SPIDR: variants seen among roughly 807,000 people sequenced by gnomAD.
The protein encoded by SPIDR is DNA repair-scaffolding protein.
A neutral mutation model predicts 104.6 loss-of-function variants in SPIDR; 93 were observed. The observed-to-expected ratio is 0.89, with a 90% CI of 0.75 to 1.06. SPIDR has a LOEUF of 1.06. SPIDR is among the 50% of genes least tolerant of loss of function. The pLI is 0.00. For missense variants in SPIDR, 1,154 were observed against 1,111.2 expected (o/e 1.04, Z -0.55); for synonymous variants, 431 against 416.9 (o/e 1.03, Z -0.41).
rs1026614264 is a variant in SPIDR, at chr8:47,615,995, A to T, written c.1544+16799A>T. 7.2e-5 allele frequency among the ~76,000 whole-genome samples: 11 copies of T among 151,880 alleles called. No homozygotes were observed. In the South Asian group the frequency reaches 8.3e-4, roughly 11 times the overall value. On this transcript the variant is annotated intron_variant, in intron 10 of 19. Coordinates refer to ENST00000297423, the MANE Select transcript of SPIDR (RefSeq NM_001080394.4). ...TTCAGATTGTTCATTGCTAGTGTAT[A>T]AAAAAAACAACTTATTTTTGTTTGT...
chr8:47,602,483 A>C (rs1039284500), intron 10 of SPIDR, among the ~76,000 whole-genome samples: 2 of 152,352 alleles, frequency 1.3e-5, no homozygotes. Flanking sequence ...TTACCATGTC[A>C]GAAGAAATTA....
chr8:47,305,521 C>T (rs1254557652), intron 5 of SPIDR, among the ~76,000 whole-genome samples: 20 of 151,962 alleles, frequency 1.3e-4, no homozygotes, highest in African/African-American at 3.6e-4. Context: ...GATGGAATTA[C>T]GGAAAAGTTT....
intron 8 of SPIDR, among the ~76,000 whole-genome samples, chr8:47,521,081 G>A (rs910300884): frequency 1.3e-5 from 2 of 152,170 alleles, no homozygotes; most frequent in African/African-American, 2.4e-5. Context: ...GATCCAAGAC[G>A]TCTGTCAATA....
At chr8:47,373,589 T>C (rs2058313584) in intron 5 of SPIDR, among the ~76,000 whole-genome samples, 1 of 152,138 alleles carries the variant, frequency 6.6e-6, no homozygotes, top group Non-Finnish European at 1.5e-5. Flanking sequence ...AAGTCAGTGC[T>C]TTTCATTATG....
rs188857673 is a variant in SPIDR, at chr8:47,464,400, C to T, written c.1097+23858C>T. On this transcript the variant is annotated intron_variant, in intron 8 of 19. Coordinates refer to ENST00000297423, the MANE Select transcript of SPIDR (RefSeq NM_001080394.4). ...GCAGTTAAGGTGGAACAGCTGTCAC[C>T]AAGGAACCGGGAAGACCTGGTGCAT... 2.3e-3 allele frequency among the ~76,000 whole-genome samples: 355 copies of T among 152,252 alleles called. 2 individuals are homozygous for T. The highest frequency in any genetic ancestry group is 5.0e-3 in the East Asian group (26 of 5,186).
At chr8:47,526,598 A>G (rs1409077970) in intron 8 of SPIDR, among the ~76,000 whole-genome samples, 1 of 152,226 alleles carries the variant, frequency 6.6e-6, no homozygotes, top group African/African-American at 2.4e-5. Flanking sequence ...CCAAATGTAC[A>G]GAAATGAAAC....
At chr8:47,397,027 T>C (rs10441557) in intron 6 of SPIDR, among the ~76,000 whole-genome samples, 111,816 of 151,830 alleles carry the variant, frequency 0.74, 41,307 homozygotes, top group East Asian at 0.81. Context: ...AACCCACAGA[T>C]GAGACGTATC....
chr8:47,454,640 T>G (rs2154350328), intron 8 of SPIDR, among the ~76,000 whole-genome samples: 1 of 151,930 alleles, frequency 6.6e-6, no homozygotes, highest in South Asian at 2.1e-4. Context: ...ATAATAAAAA[T>G]AAAAATAAAA....
chr8:47,471,697 A>T (rs551985793), intron 8 of SPIDR, among the ~76,000 whole-genome samples: 38 of 152,222 alleles, frequency 2.5e-4, no homozygotes, highest in Non-Finnish European at 5.1e-4. Flanking sequence ...AATGGTCAAA[A>T]TGATAATATG....
intron 6 of SPIDR, among the ~76,000 whole-genome samples, chr8:47,401,288 AT>A (rs1234046420): frequency 6.6e-6 from 1 of 152,194 alleles, no homozygotes; most frequent in African/African-American, 2.4e-5. Flanking sequence ...ATGCTGAGAG[AT>A]TTTGTCACCA....
intron 10 of SPIDR, among the ~76,000 whole-genome samples, chr8:47,611,431 T>G (rs1285052104): frequency 6.6e-6 from 1 of 152,048 alleles, no homozygotes; most frequent in Non-Finnish European, 1.5e-5. Flanking sequence ...GGGCCCGGTG[T>G]CTCACGCCTG....
chr8:47,393,205 T>C (rs2060814371), intron 5 of SPIDR, among the ~76,000 whole-genome samples: 1 of 152,222 alleles, frequency 6.6e-6, no homozygotes, highest in Non-Finnish European at 1.5e-5. Flanking sequence ...CTAGCTTGAA[T>C]ATTAGCAACT....
chr8:47,702,167 CT>C (rs2080377709), intron 14 of SPIDR, 152 bp downstream of exon 14: 1 of 977,360 alleles, frequency 1.0e-6, no homozygotes, highest in Non-Finnish European at 1.5e-6. Flanking sequence ...GGGTAATCTC[CT>C]TTGGAAATTA....
intron 8 of SPIDR, among the ~76,000 whole-genome samples, chr8:47,451,239 A>T (rs573812756): frequency 6.6e-6 from 1 of 152,282 alleles, no homozygotes; most frequent in Non-Finnish European, 1.5e-5. Context: ...ATTATTTAAA[A>T]ACCAAAGAGA....
At chr8:47,353,998 A>G (rs1554624097) in intron 5 of SPIDR, among the ~76,000 whole-genome samples, 1 of 152,136 alleles carries the variant, frequency 6.6e-6, no homozygotes, top group African/African-American at 2.4e-5. Context: ...TATACAGACA[A>G]CGCTTTGATA....
chr8:47,399,913 C>T (rs1007630681), intron 6 of SPIDR, among the ~76,000 whole-genome samples: 4 of 152,204 alleles, frequency 2.6e-5, no homozygotes, highest in South Asian at 2.1e-4. Flanking sequence ...CGATGACGGG[C>T]GCCCAGAGTT....
At chr8:47,594,778 G>C (rs2061463518) in intron 8 of SPIDR, among the ~76,000 whole-genome samples, 1 of 152,064 alleles carries the variant, frequency 6.6e-6, no homozygotes, top group Admixed American at 6.5e-5. Context: ...TGGATCACTT[G>C]AAGTCAGGAG....
At position 47,688,005 on chromosome 8, in the gene SPIDR, CAA is replaced by C. The variant is rs1283941527; in HGVS notation, c.1686-12388_1686-12387del. On this transcript the variant is annotated intron_variant, in intron 11 of 19. Coordinates refer to ENST00000297423, the MANE Select transcript of SPIDR (RefSeq NM_001080394.4). ...GGGTGACAGATTGAGACCTGGCTGT[CAA>C]AAAAAAAAAGTGTGTGTGTGTGTGT... Among the ~76,000 whole-genome samples, 5 of 90,476 alleles carry C rather than the reference CAA, an allele frequency of 5.5e-5. No individual in the cohort carries two copies. The South Asian group carries it at 1.3e-3, about 24-fold the overall frequency. 59.4% of individuals were successfully genotyped at this position (90,476 alleles called of 152,430 possible). A position where few individuals can be genotyped will look rare whatever the true frequency, so the allele number is the denominator to read the frequency against.
chr8:47,423,687 G>A (rs529798218), intron 7 of SPIDR, among the ~76,000 whole-genome samples: 1 of 152,330 alleles, frequency 6.6e-6, no homozygotes, highest in South Asian at 2.1e-4. Flanking sequence ...GCAGTTTGAT[G>A]AAATGGCATG....
Sources: gnomAD v4.1 joint callset for allele counts (sites outside exome capture counted in the v4.1 genomes callset) on GRCh38, gnomAD v4.1.1 for gene constraint, MANE v1.5 for transcripts, NCBI Gene and HGNC (gene_info 2026-07-23, HGNC 2026-07-21) for gene names.